The following SCN3A variants were observed in gnomAD, a reference collection of about 807,000 sequenced individuals.
The protein encoded by SCN3A is sodium voltage-gated channel alpha subunit 3, also known as sodium channel protein type 3 subunit alpha.
In SCN3A, 60 loss-of-function variants were observed where a neutral mutation model predicts 187.6. That is an observed-to-expected ratio of 0.32 (90% CI 0.26 to 0.40). The LOEUF (loss-of-function observed/expected upper bound fraction) is 0.40, where lower values mean the gene tolerates loss of function less well. Ranked by LOEUF, SCN3A falls within the 10% of genes least tolerant of loss-of-function variation. The probability of loss-of-function intolerance (pLI) is 1.00; values close to 1 mark genes in which losing one functional copy is unlikely to be tolerated. For synonymous variants in SCN3A, 788 were observed against 829.2 expected, an observed-to-expected ratio of 0.95 and a Z score of 0.85; for missense variants, 1,601 against 2,428.2, an observed-to-expected ratio of 0.66 and a Z score of 7.16.
At chr2:165,119,401 C>T (rs968260407) in intron 18 of SCN3A, among the ~76,000 whole-genome samples, 5 of 152,104 alleles carry the variant, frequency 3.3e-5, no homozygotes, top group Admixed American at 2.0e-4. Context: ...CATCAGCTTA[C>T]GAATTATGAT....
Position 165,089,907 on chromosome 2 carries a change from G to A in SCN3A, c.*243C>T. The A allele has an allele frequency of 1.9e-6, 1 of 532,478 alleles. No homozygotes were observed. The highest frequency in any genetic ancestry group is 2.2e-5 in the South Asian group (1 of 45,776). 33.0% of individuals were successfully genotyped at this position (532,478 alleles called of 1,614,324 possible). A position where few individuals can be genotyped will look rare whatever the true frequency, so the allele number is the denominator to read the frequency against. On this transcript the variant is annotated 3_prime_UTR_variant, in exon 28 of 28. Coordinates refer to ENST00000283254, the MANE Select transcript of SCN3A (RefSeq NM_006922.4). ...TATCCCTATAGTCTAGGTAGCCATTGGGTTTCTCCTCAGCAGTGTCAGCTG... is the reference window on the plus strand; with the variant it reads ...TATCCCTATAGTCTAGGTAGCCATTAGGTTTCTCCTCAGCAGTGTCAGCTG...
chr2:165,192,800 C>A (rs541257142), intron 1 of SCN3A, among the ~76,000 whole-genome samples: 22 of 152,190 alleles, frequency 1.4e-4, no homozygotes, highest in Admixed American at 1.3e-3. Flanking sequence ...ATTGCTTCTA[C>A]ATTTATTATT....
intron 24 of SCN3A, 29 bp from the exon 25 acceptor site, chr2:165,095,677 A>T: frequency 8.5e-7 from 1 of 1,181,624 alleles, no homozygotes; most frequent in East Asian, 2.5e-5. Context: ...ATTAAATAAT[A>T]TGAAAAATAC....
At chr2:165,133,990 C>T (rs1687512718) in intron 15 of SCN3A, among the ~76,000 whole-genome samples, 1 of 152,022 alleles carries the variant, frequency 6.6e-6, no homozygotes, top group African/African-American at 2.4e-5. Flanking sequence ...TATAAACATT[C>T]CTGAAACAAA....
intron 12 of SCN3A, among the ~76,000 whole-genome samples, chr2:165,142,901 G>A (rs554361131): frequency 6.6e-6 from 1 of 151,918 alleles, no homozygotes; most frequent in South Asian, 2.1e-4. Flanking sequence ...AGAGGTGCCC[G>A]CCACCACACC....
chr2:165,181,231 A>G (rs967117983), intron 2 of SCN3A, among the ~76,000 whole-genome samples: 3 of 152,174 alleles, frequency 2.0e-5, no homozygotes, highest in Non-Finnish European at 4.4e-5. Context: ...GTGGCTGGAA[A>G]AGGGAGTGTT....
chr2:165,137,296 T>A (rs1028616394), intron 15 of SCN3A, among the ~76,000 whole-genome samples: 1 of 152,168 alleles, frequency 6.6e-6, no homozygotes, highest in Non-Finnish European at 1.5e-5. Context: ...TAATAATATA[T>A]GTAAACCCTT....
At chr2:165,148,553 A>G (rs1278288754) in intron 11 of SCN3A, among the ~76,000 whole-genome samples, 1 of 152,058 alleles carries the variant, frequency 6.6e-6, no homozygotes, top group East Asian at 1.9e-4. Context: ...TATGCTGCAA[A>G]TTCTCTAGGA....
intron 9 of SCN3A, 57 bp downstream of exon 9, chr2:165,162,251 C>A: frequency 6.8e-7 from 1 of 1,460,598 alleles, no homozygotes; most frequent in Non-Finnish European, 9.4e-7. Flanking sequence ...GTTTTCCTAC[C>A]TACTTTTTTT....
intron 1 of SCN3A, among the ~76,000 whole-genome samples, chr2:165,200,140 A>G (rs1692223429): frequency 6.6e-6 from 1 of 152,118 alleles, no homozygotes; most frequent in Non-Finnish European, 1.5e-5. Flanking sequence ...AAATGAAAGC[A>G]GTTAGAATTA....
At chr2:165,130,447 G>C (rs1280628213) in intron 16 of SCN3A, 151 bp from the exon 17 acceptor site, 4 of 765,694 alleles carry the variant, frequency 5.2e-6, no homozygotes, top group Non-Finnish European at 8.6e-6. Context: ...AGAAAAAATA[G>C]TGTTAACAAT....
intron 21 of SCN3A, among the ~76,000 whole-genome samples, chr2:165,102,206 T>C (rs1225952234): frequency 1.3e-5 from 2 of 152,232 alleles, no homozygotes; most frequent in Non-Finnish European, 2.9e-5. Flanking sequence ...GTAAGGAAGC[T>C]TATGCTTTGA....
At chr2:165,114,225 C>T (rs891563144) in intron 19 of SCN3A, among the ~76,000 whole-genome samples, 3 of 152,120 alleles carry the variant, frequency 2.0e-5, no homozygotes, top group Non-Finnish European at 2.9e-5. Context: ...CATTCTTCAC[C>T]ACCAGTCAGG....
chr2:165,088,312 G>A lies in SCN3A; in HGVS notation c.*1838C>T, dbSNP rs1684928025. The A allele has an allele frequency of 6.6e-6, 1 of 152,360 alleles. No individual in the cohort carries two copies. Among genetic ancestry groups the A allele is most frequent in the Non-Finnish European group, 1.5e-5 (1 of 67,934 alleles). 9.4% of individuals were successfully genotyped at this position (152,360 alleles called of 1,614,324 possible). A position where few individuals can be genotyped will look rare whatever the true frequency, so the allele number is the denominator to read the frequency against. On this transcript the variant is annotated 3_prime_UTR_variant, in exon 28 of 28. Transcript: ENST00000283254. ...TGCAAAAAACAAAAATTTATATCATGTTAGGTAATTGCACAACTTTGCCAC... is the reference window on the plus strand; with the variant it reads ...TGCAAAAAACAAAAATTTATATCATATTAGGTAATTGCACAACTTTGCCAC...
chr2:165,095,743 C>A, intron 24 of SCN3A, 95 bp from the exon 25 acceptor site: 1 of 687,506 alleles, frequency 1.5e-6, no homozygotes, highest in Non-Finnish European at 2.4e-6. Flanking sequence ...TAATACAGTG[C>A]TACTTTTGCC....
At chr2:165,167,926 A>C (rs984861813) in intron 5 of SCN3A, among the ~76,000 whole-genome samples, 2 of 152,144 alleles carry the variant, frequency 1.3e-5, no homozygotes, top group Admixed American at 1.3e-4. Flanking sequence ...CATGTATTAA[A>C]ATACAGAATG....
intron 26 of SCN3A, chr2:165,093,063 A>G (rs1477053326): frequency 6.5e-6 from 1 of 152,744 alleles, no homozygotes; most frequent in African/African-American, 2.4e-5. Context: ...AAAACAAAAC[A>G]AAAACAAACA....
At chr2:165,134,484 G>A (rs1301079830) in intron 15 of SCN3A, among the ~76,000 whole-genome samples, 2 of 152,018 alleles carry the variant, frequency 1.3e-5, no homozygotes, top group Non-Finnish European at 2.9e-5. Flanking sequence ...TATAAATGCA[G>A]CTAACACTTC....
chr2:165,090,610 T>G lies in SCN3A; in HGVS notation c.5543A>C (p.His1848Pro). The G allele has an allele frequency of 6.2e-7, 1 of 1,614,072 alleles. No homozygotes were observed. Among genetic ancestry groups the G allele is most frequent in the Non-Finnish European group, 8.5e-7 (1 of 1,179,974 alleles). ...AAAGGCAAATAAAATATCAAGACAG[T>G]GGATCCGGTCACCACTGACCATGGG... ...DLPMVSGDRI[H>P]CLDILFAFTK... The change falls in exon 28 of 28, where the codon CAC becomes CCC. Residue 1848 changes from histidine to proline, a missense_variant. His to Pro is a moderately conservative substitution (Grantham distance 77). Transcript: ENST00000283254. The surrounding 1 kb of genome is among the most constrained non-coding windows in gnomAD (Gnocchi z 4.0).
Sources: allele counts gnomAD v4.1 joint callset (sites outside exome capture counted in the v4.1 genomes callset), GRCh38; gene constraint gnomAD v4.1.1; non-coding constraint Gnocchi (gnomAD v3.1); transcripts MANE v1.5; gene names NCBI Gene and HGNC (gene_info 2026-07-23, HGNC 2026-07-21).